ZCCHC14: variants seen among roughly 807,000 people sequenced by gnomAD.
ZCCHC14 encodes zinc finger CCHC-type containing 14.
Under a neutral mutation model 85.0 loss-of-function variants are expected in ZCCHC14, and 16 were observed. The ratio of observed to expected loss-of-function variants is 0.19; its 90% CI spans 0.13 to 0.29. The LOEUF is 0.29. Ranked by LOEUF, ZCCHC14 falls within the 10% of genes least tolerant of loss-of-function variation. The pLI is 1.00. For missense variants in ZCCHC14, 1,303 were observed against 1,443.5 expected (o/e 0.90, Z 1.58); for synonymous variants, 775 against 630.7 (o/e 1.23, Z -3.43).
chr16:87,421,825 C>T (rs1156418153), intron 4 of ZCCHC14, among the ~76,000 whole-genome samples: 1 of 152,102 alleles, frequency 6.6e-6, no homozygotes, highest in African/African-American at 2.4e-5. Flanking sequence ...ACTAAGGGCC[C>T]TGGCAGAAGA....
In ZCCHC14 at chr16:87,429,452, C is replaced by T. The variant is rs150607840; in HGVS notation, c.768+3676G>A. ...TCAGCCTCCCGAGTAGCTGGAACTG[C>T]AGGCATGTGCCACTACACCTGGCAG... On this transcript the variant is annotated intron_variant, in intron 3 of 12. Coordinates refer to ENST00000671377, the MANE Select transcript of ZCCHC14 (RefSeq NM_015144.3). 2.0e-5 allele frequency among the ~76,000 whole-genome samples: 3 copies of T among 152,244 alleles called. No homozygotes were observed. In the East Asian group the frequency reaches 5.8e-4, roughly 29 times the overall value.
chr16:87,482,961 A>G (rs1912353541), intron 1 of ZCCHC14, among the ~76,000 whole-genome samples: 1 of 152,110 alleles, frequency 6.6e-6, no homozygotes, highest in Non-Finnish European at 1.5e-5. Flanking sequence ...TATAATATGT[A>G]TGATGAGAAA....
intron 1 of ZCCHC14, among the ~76,000 whole-genome samples, chr16:87,465,428 A>AC (rs1911473784): frequency 6.6e-6 from 1 of 152,252 alleles, no homozygotes; most frequent in Non-Finnish European, 1.5e-5. Context: ...CACCACATCT[A>AC]CAAAGCGCTA....
Position 87,492,275 on chromosome 16 carries a change from G to A in ZCCHC14, c.-37C>T, listed in dbSNP as rs1281736400. 9.2e-6 allele frequency: 9 copies of A among 977,588 alleles called. No homozygotes were observed. Among genetic ancestry groups the A allele is most frequent in the South Asian group, 4.7e-5 (1 of 21,176 alleles). The allele number at this position is 977,588 out of a possible 1,614,324, so 60.6% of individuals were successfully genotyped here. On this transcript the variant is annotated 5_prime_UTR_variant, in exon 1 of 13. Transcript: ENST00000671377. The surrounding 1 kb of genome is among the most constrained non-coding windows in gnomAD (Gnocchi z 6.7). ...CGCCGCGCCGCGACCCGGGGCCGGG[G>A]ACCGCGCGGGGGCGGCCGGGGGGCG... is the stretch of plus-strand genomic sequence containing the variant.
chr16:87,460,633 T>G (rs906410369), intron 1 of ZCCHC14, among the ~76,000 whole-genome samples: 1 of 151,886 alleles, frequency 6.6e-6, no homozygotes, highest in Admixed American at 6.6e-5. Flanking sequence ...GGGGCTGCAG[T>G]GAGCCAAGAT....
At chr16:87,439,293 C>G (rs1266209422) in intron 2 of ZCCHC14, among the ~76,000 whole-genome samples, 1 of 152,038 alleles carries the variant, frequency 6.6e-6, no homozygotes, top group Non-Finnish European at 1.5e-5. Flanking sequence ...ACCACCATGC[C>G]CAGCTAATTT....
intron 12 of ZCCHC14, 73 bp from the exon 13 acceptor site, chr16:87,410,408 C>A: frequency 1.5e-6 from 1 of 687,940 alleles, no homozygotes; most frequent in South Asian, 1.7e-5. Flanking sequence ...TCTGTCCAGT[C>A]ATGTCCAGAG....
intron 1 of ZCCHC14, among the ~76,000 whole-genome samples, chr16:87,488,126 TTC>T (rs1470081716): frequency 6.6e-6 from 1 of 152,198 alleles, no homozygotes; most frequent in African/African-American, 2.4e-5. Flanking sequence ...AGTATATGAA[TTC>T]TCTTTCAATA....
At chr16:87,455,293 C>A (rs9932994) in intron 2 of ZCCHC14, among the ~76,000 whole-genome samples, 22,651 of 150,576 alleles carry the variant, frequency 0.15, 2,273 homozygotes, top group East Asian at 0.45. Flanking sequence ...CGTCCCCCCC[C>A]GCCCCCGCAA....
chr16:87,477,260 C>A (rs1912061901), intron 1 of ZCCHC14, among the ~76,000 whole-genome samples: 1 of 151,442 alleles, frequency 6.6e-6, no homozygotes, highest in African/African-American at 2.4e-5. Context: ...GGAACCCCAA[C>A]AAAATATCAG....
At chr16:87,423,774 T>G (rs779257538) in intron 4 of ZCCHC14, 36 bp downstream of exon 4, 1 of 1,608,050 alleles carries the variant, frequency 6.2e-7, no homozygotes, top group Admixed American at 1.7e-5. Flanking sequence ...GGAATGTGAT[T>G]CTTTTAATTT....
chr16:87,406,803 A>G lies in ZCCHC14; in HGVS notation c.*3477T>C, dbSNP rs967178978. ...TTCAGACCCTTGGGACTTTTCAACAAATTCGCCTCTTCAGAACCCATGGCT... is the reference window on the plus strand; with the variant it reads ...TTCAGACCCTTGGGACTTTTCAACAGATTCGCCTCTTCAGAACCCATGGCT... On this transcript the variant is annotated 3_prime_UTR_variant, in exon 13 of 13. Transcript: ENST00000671377. 9.2e-5 allele frequency: 14 copies of G among 152,188 alleles called. No homozygotes were observed. The highest frequency in any genetic ancestry group is 3.1e-4 in the African/African-American group (13 of 41,446). The allele number at this position is 152,188 out of a possible 1,614,324, so 9.4% of individuals were successfully genotyped here.
In ZCCHC14 at chr16:87,423,869, C is replaced by G; in HGVS notation, c.781G>C (p.Asp261His). Residue 261 changes from aspartate (D) to histidine (H), a missense_variant, in exon 4 of 13, where the codon GAT (aspartate) becomes CAT (histidine). Coordinates refer to ENST00000671377, the MANE Select transcript of ZCCHC14 (RefSeq NM_015144.3). ...TTGGTTACTGATGTTATTGAAGAAT[C>G]AGACCACAAGACCTTAAAAACAAAC... Reference protein sequence around the residue: ...VECSFEVLWSDSSITSVTKSS... With the variant: ...VECSFEVLWSHSSITSVTKSS... The G allele has an allele frequency of 6.2e-7, 1 of 1,614,094 alleles. No individual in the cohort carries two copies. Among genetic ancestry groups the G allele is most frequent in the Non-Finnish European group, 8.5e-7 (1 of 1,179,992 alleles).
At chr16:87,434,981 A>T (rs1270828677) in intron 2 of ZCCHC14, among the ~76,000 whole-genome samples, 2 of 96,062 alleles carry the variant, frequency 2.1e-5, no homozygotes, top group Non-Finnish European at 3.8e-5. Context: ...ACAAAGTGAG[A>T]CTTCGCCTCA....
chr16:87,481,576 A>C (rs1406206779), intron 1 of ZCCHC14, among the ~76,000 whole-genome samples: 1 of 103,820 alleles, frequency 9.6e-6, no homozygotes, highest in Non-Finnish European at 1.8e-5. Flanking sequence ...AGGGGAAAGG[A>C]AGGAGAGGAA....
intron 1 of ZCCHC14, among the ~76,000 whole-genome samples, chr16:87,483,052 A>G (rs1912358601): frequency 6.6e-6 from 1 of 152,134 alleles, no homozygotes; most frequent in Non-Finnish European, 1.5e-5. Flanking sequence ...TTAAAAAAAA[A>G]GAAAAGAAAA....
At chr16:87,480,988 C>T (rs12103004) in intron 1 of ZCCHC14, among the ~76,000 whole-genome samples, 49,644 of 151,954 alleles carry the variant, frequency 0.33, 11,200 homozygotes, top group African/African-American at 0.63. Context: ...CACATCATGC[C>T]AAGACCCGTA....
intron 4 of ZCCHC14, among the ~76,000 whole-genome samples, chr16:87,421,844 C>T (rs896826537): frequency 6.6e-6 from 1 of 152,132 alleles, no homozygotes; most frequent in Admixed American, 6.5e-5. Flanking sequence ...GAGGTGTTGA[C>T]CCTTTCCAGG....
Position 87,411,626 on chromosome 16 carries a change from C to T in ZCCHC14, c.3095G>A (p.Ser1032Asn). 6.2e-7 allele frequency: 1 copy of T among 1,613,976 alleles called. No homozygotes were observed. The highest frequency in any genetic ancestry group is 8.5e-7 in the Non-Finnish European group (1 of 1,180,020). The change falls in exon 12 of 13, where the codon AGC (serine) becomes AAC (asparagine). Residue 1032 changes from serine to asparagine, a missense_variant. Ser to Asn is a conservative substitution (Grantham distance 46, BLOSUM62 1). Coordinates refer to ENST00000671377, the MANE Select transcript of ZCCHC14 (RefSeq NM_015144.3). Reference sequence around the variant, plus strand: ...GCTCTTTTTGTGACTGGAACCATTGCTACTGCCCACCAGTCCTTGGGTCTG... The same window carrying T: ...GCTCTTTTTGTGACTGGAACCATTGTTACTGCCCACCAGTCCTTGGGTCTG... Reference protein sequence around the residue: ...VYQTQGLVGSSNGSSHKKSGN... With the variant: ...VYQTQGLVGSNNGSSHKKSGN...
Sources: allele counts gnomAD v4.1 joint callset (sites outside exome capture counted in the v4.1 genomes callset), GRCh38; gene constraint gnomAD v4.1.1; non-coding constraint Gnocchi (gnomAD v3.1); transcripts MANE v1.5; gene names NCBI Gene and HGNC (gene_info 2026-07-23, HGNC 2026-07-21).